Variants in IFI44L observed in about 807,000 individuals in gnomAD.
The protein encoded by IFI44L is interferon-induced protein 44-like.
Under a neutral mutation model 39.3 loss-of-function variants are expected in IFI44L, and 40 were observed. The ratio of observed to expected loss-of-function variants is 1.02; its 90% confidence interval spans 0.79 to 1.33. The LOEUF is 1.33. Ranked by LOEUF, IFI44L falls within the 40% of genes most tolerant of loss-of-function variation. IFI44L has a pLI of 0.00. For synonymous variants in IFI44L, 198 were observed against 182.3 expected (o/e 1.09, Z -0.69); for missense variants, 623 against 549.0 (o/e 1.13, Z -1.35).
At chr1:78,622,568 C>G (rs1652315839) in intron 1 of IFI44L, among the ~76,000 whole-genome samples, 1 of 151,966 alleles carries the variant, frequency 6.6e-6, no homozygotes, top group Admixed American at 6.6e-5. Flanking sequence ...GTATAATCCC[C>G]CCTTGTCTGT....
rs772507756 is a variant in IFI44L at position 78,628,930 on chromosome 1, T to G, written c.479-21T>G. 8 of 1,445,164 alleles carry G rather than the reference T, an allele frequency of 5.5e-6. No individual in the cohort carries two copies. The South Asian group carries it at 9.3e-5, about 17-fold the overall frequency. The allele number at this position is 1,445,164 out of a possible 1,614,324, so 89.5% of individuals were successfully genotyped here. ...CCAAACAAGTTTTAAAAATGTATTA[T>G]GCTATGTTTATTTCCTATAGGAATT... On this transcript the variant is annotated intron_variant, in intron 2 of 8. Transcript: ENST00000370751.
intron 1 of IFI44L, chr1:78,627,578 T>C (rs2100481164): frequency 6.2e-6 from 1 of 162,470 alleles, no homozygotes; most frequent in Non-Finnish European, 1.3e-5. Flanking sequence ...AGAGACCATA[T>C]GGCCTACAAA....
intron 1 of IFI44L, chr1:78,626,313 C>A (rs1652484722): frequency 1.3e-5 from 2 of 151,840 alleles, no homozygotes; most frequent in Admixed American, 6.6e-5. Context: ...TACCTTTTAG[C>A]TGTTTGAACA....
chr1:78,640,631 G>A (rs1646971705), intron 6 of IFI44L, among the ~76,000 whole-genome samples: 1 of 152,108 alleles, frequency 6.6e-6, no homozygotes, highest in South Asian at 2.1e-4. Flanking sequence ...TATTAGAACT[G>A]TGAAATCAGT....
intron 1 of IFI44L, among the ~76,000 whole-genome samples, chr1:78,621,864 G>A (rs745474737): frequency 2.0e-5 from 3 of 152,072 alleles, no homozygotes. Context: ...CACTTAGAAT[G>A]TGTAATGATC....
chr1:78,644,981 T>A lies in IFI44L; in HGVS notation c.*3172T>A, dbSNP rs1459991465. The A allele has an allele frequency of 6.6e-6, 1 of 152,190 alleles. No individual in the cohort carries two copies. The highest frequency in any genetic ancestry group is 1.5e-5 in the Non-Finnish European group (1 of 68,034). The allele number at this position is 152,190 out of a possible 1,614,324, so 9.4% of individuals were successfully genotyped here. On this transcript the variant is annotated 3_prime_UTR_variant, in exon 9 of 9. Coordinates refer to ENST00000370751, the MANE Select transcript of IFI44L (RefSeq NM_006820.4). The stretch of plus-strand genomic sequence containing the variant: ...AAAAGAAAAATAGAGCAGTTTGAGT[T>A]CTATGAGGTATGCAGGCCCAGAGAG...
At chr1:78,622,882 A>T (rs1652328070) in intron 1 of IFI44L, among the ~76,000 whole-genome samples, 1 of 152,230 alleles carries the variant, frequency 6.6e-6, no homozygotes. Flanking sequence ...CCCGTTAAAC[A>T]TTCAGAAGAG....
rs771469753 is a variant in IFI44L at position 78,637,088 on chromosome 1, T to C, written c.933T>C (p.Ser311=). 8 of 1,611,206 alleles carry C rather than the reference T, an allele frequency of 5.0e-6. No individual in the cohort carries two copies. The highest frequency in any genetic ancestry group is 6.8e-6 in the Non-Finnish European group (8 of 1,177,584). ...PEHSTFITSP[S]LKDRIHCVAY... ...ATTCTACTTTTATCACCTCTCCATC[T>C]CTGAAGGACAGGATTCACTGTGTGG... The change falls in exon 6 of 9, where the codon TCT becomes TCC. Residue 311 remains serine (S), a synonymous_variant. Coordinates refer to ENST00000370751, the MANE Select transcript of IFI44L (RefSeq NM_006820.4).
rs1313278006 is a variant in IFI44L at position 78,643,449 on chromosome 1, G to T, written c.*1640G>T. On this transcript the variant is annotated 3_prime_UTR_variant, in exon 9 of 9. Transcript: ENST00000370751. ...GCAGTAGAGAAAGAGTTTAATAATT[G>T]AATGGCAGAAAAATGAGGAAGGTTG... The T allele has an allele frequency of 6.6e-6, 1 of 152,004 alleles. No individual in the cohort carries two copies. Among genetic ancestry groups the T allele is most frequent in the Non-Finnish European group, 1.5e-5 (1 of 67,990 alleles). 9.4% of individuals were successfully genotyped at this position (152,004 alleles called of 1,614,324 possible). A position where few individuals can be genotyped will look rare whatever the true frequency, so the allele number is the denominator to read the frequency against.
chr1:78,628,215 C>G lies in IFI44L; in HGVS notation c.300C>G (p.Leu100=). 1.2e-6 allele frequency: 2 copies of G among 1,612,734 alleles called. No homozygotes were observed. The highest frequency in any genetic ancestry group is 2.2e-5 in the East Asian group (1 of 44,726). ...ACACCACTGAAATAGAAACTTTACTCTTAAATACAGCACCAAAAATTATTG... is the reference window on the plus strand; with the variant it reads ...ACACCACTGAAATAGAAACTTTACTGTTAAATACAGCACCAAAAATTATTG... The part of the protein sequence containing the change: ...KNDTTEIETL[L]LNTAPKIIDE... The change falls in exon 2 of 9, where the codon CTC becomes CTG. Residue 100 remains leucine, a synonymous_variant. Transcript: ENST00000370751.
chr1:78,637,119 G>A lies in IFI44L; in HGVS notation c.964G>A (p.Val322Ile). ...LKDRIHCVAY[V>I]LDINSIDNLY... is the part of the protein sequence containing the mutation. The stretch of plus-strand genomic sequence containing the variant: ...GGACAGGATTCACTGTGTGGCTTAT[G>A]TCTTAGACATCAACTCTATTGACAA... Residue 322 changes from valine to isoleucine, a missense_variant, in exon 6 of 9, where the codon GTC becomes ATC. Val to Ile is a conservative substitution (Grantham distance 29, BLOSUM62 3). Transcript: ENST00000370751. 3 of 1,609,688 alleles carry A rather than the reference G, an allele frequency of 1.9e-6. No individual in the cohort carries two copies. The highest frequency in any genetic ancestry group is 1.1e-5 in the South Asian group (1 of 90,394).
chr1:78,628,639 A>G (rs1464726374), intron 2 of IFI44L: 11 of 520,774 alleles, frequency 2.1e-5, no homozygotes, highest in Non-Finnish European at 3.7e-5. Flanking sequence ...ATGACAAAGG[A>G]GATGGGGATG....
chr1:78,631,668 G>A (rs191526417), intron 4 of IFI44L: 1 of 152,144 alleles, frequency 6.6e-6, no homozygotes, highest in African/African-American at 2.4e-5. Flanking sequence ...AAGATTGAAT[G>A]TGTTTATCTA....
chr1:78,637,296 C>G, intron 6 of IFI44L, 93 bp downstream of exon 6: 1 of 924,752 alleles, frequency 1.1e-6, no homozygotes, highest in Non-Finnish European at 1.6e-6. Flanking sequence ...TCCCATGTAC[C>G]TTTCATCCTA....
At chr1:78,634,095 A>T (rs756961806) in intron 4 of IFI44L, among the ~76,000 whole-genome samples, 1 of 152,122 alleles carries the variant, frequency 6.6e-6, no homozygotes, top group Non-Finnish European at 1.5e-5. Flanking sequence ...TCAAAAGGAC[A>T]AATATTCAAG....
rs557119840 is a variant in IFI44L, at chr1:78,643,943, A to T, written c.*2134A>T. On this transcript the variant is annotated 3_prime_UTR_variant, in exon 9 of 9. Coordinates refer to ENST00000370751, the MANE Select transcript of IFI44L (RefSeq NM_006820.4). ...TTAAAGGGCAAGTTGGTTAGTACTT[A>T]GCTGTGTTTTTATTCAAAGTCTACA... The T allele has an allele frequency of 1.1e-4, 17 of 152,286 alleles. No individual in the cohort carries two copies. The highest frequency in any genetic ancestry group is 3.6e-4 in the African/African-American group (15 of 41,566). 9.4% of individuals were successfully genotyped at this position (152,286 alleles called of 1,614,324 possible).
intron 4 of IFI44L, among the ~76,000 whole-genome samples, chr1:78,631,226 AT>A (rs1307230832): frequency 6.6e-6 from 1 of 152,186 alleles, no homozygotes; most frequent in Non-Finnish European, 1.5e-5. Flanking sequence ...CCTTTGAATA[AT>A]TGAAGTTGTA....
intron 4 of IFI44L, among the ~76,000 whole-genome samples, chr1:78,634,740 T>C (rs1557687184): frequency 6.6e-6 from 1 of 152,006 alleles, no homozygotes; most frequent in Non-Finnish European, 1.5e-5. Flanking sequence ...TAATAATAGC[T>C]ATAAGATTTT....
chr1:78,620,900 A>C (rs1652249782), intron 1 of IFI44L: 1 of 152,124 alleles, frequency 6.6e-6, no homozygotes, highest in Admixed American at 6.6e-5. Context: ...TCTGGTAACC[A>C]CCATGCTACT....
Sources: gnomAD v4.1 joint callset for allele counts (sites outside exome capture counted in the v4.1 genomes callset) on GRCh38, gnomAD v4.1.1 for gene constraint, MANE v1.5 for transcripts, NCBI Gene and HGNC (gene_info 2026-07-23, HGNC 2026-07-21) for gene names.